The following DYNAP variants were observed in gnomAD, a reference collection of about 807,000 sequenced individuals.
The protein encoded by DYNAP is dynactin associated protein, also known as dynactin-associated protein.
In DYNAP, 7 loss-of-function variants were observed where a neutral mutation model predicts 8.5. The observed-to-expected ratio is 0.82, with a 90% CI of 0.47 to 1.54. The LOEUF is 1.54. Among genes scored for constraint, DYNAP ranks in the 40% most tolerant of loss-of-function variants. The pLI is 0.01. For synonymous variants in DYNAP, 77 were observed against 77.9 expected (o/e 0.99, Z 0.06); for missense variants, 256 against 224.3 (o/e 1.14, Z -0.90).
At chr18:54,581,583 G>C in the DYNAP span, among the ~76,000 whole-genome samples, 20 of 152,140 alleles carry the variant, frequency 1.3e-4, no homozygotes, top group Non-Finnish European at 2.5e-4. Context: ...TATCTTACTG[G>C]TGGGTTTGGT....
chr18:54,579,600 T>A, the DYNAP span, among the ~76,000 whole-genome samples: 1 of 152,234 alleles, frequency 6.6e-6, no homozygotes, highest in South Asian at 2.1e-4. Flanking sequence ...AGCATTTTTC[T>A]TCATCCAAGA....
upstream of DYNAP, among the ~76,000 whole-genome samples, chr18:54,588,358 A>G (rs1910954631): frequency 6.6e-6 from 1 of 152,062 alleles, no homozygotes; most frequent in Non-Finnish European, 1.5e-5. Context: ...GGCATCCGTC[A>G]TCATGCCCGG....
At chr18:54,581,602 T>C in the DYNAP span, among the ~76,000 whole-genome samples, 6 of 152,202 alleles carry the variant, frequency 3.9e-5, no homozygotes. Flanking sequence ...GTGAAGTTGA[T>C]ACAAACTATA....
chr18:54,586,301 G>A (rs184723757), upstream of DYNAP, among the ~76,000 whole-genome samples: 2 of 152,210 alleles, frequency 1.3e-5, no homozygotes, highest in Admixed American at 1.3e-4. Flanking sequence ...CCACACAGCT[G>A]ATTGCCGATC....
At chr18:54,595,341 A>G (rs1402100160) in intron 2 of DYNAP, among the ~76,000 whole-genome samples, 4 of 152,138 alleles carry the variant, frequency 2.6e-5, no homozygotes, top group African/African-American at 9.7e-5. Context: ...TCAAACATCT[A>G]TAATAGATAG....
At chr18:54,592,849 T>G (rs954369360) in intron 1 of DYNAP, among the ~76,000 whole-genome samples, 3 of 152,014 alleles carry the variant, frequency 2.0e-5, no homozygotes, top group African/African-American at 7.2e-5. Context: ...CACCTTCCTC[T>G]CTGAAAGGGC....
At chr18:54,584,267 T>A (rs2030400231), upstream of DYNAP, among the ~76,000 whole-genome samples, 1 of 148,284 alleles carries the variant, frequency 6.7e-6, no homozygotes, top group Non-Finnish European at 1.5e-5. Context: ...ATTTATTTAA[T>A]ATTTAATATT....
chr18:54,583,864 C>G (rs920191284), upstream of DYNAP, among the ~76,000 whole-genome samples: 1 of 152,012 alleles, frequency 6.6e-6, no homozygotes, highest in Non-Finnish European at 1.5e-5. Context: ...GAACCGATCA[C>G]CTGAAAATAG....
At chr18:54,580,322 A>G in the DYNAP span, among the ~76,000 whole-genome samples, 2 of 152,246 alleles carry the variant, frequency 1.3e-5, no homozygotes, top group African/African-American at 2.4e-5. Flanking sequence ...GTCATGGTCT[A>G]CAATGAATAC....
chr18:54,579,306 T>A, the DYNAP span, among the ~76,000 whole-genome samples: 81 of 152,346 alleles, frequency 5.3e-4, no homozygotes, highest in Non-Finnish European at 9.0e-4. Context: ...TTAGAAAGTA[T>A]TTTTTAAGTT....
chr18:54,593,692 G>A (rs1337191174), intron 1 of DYNAP, among the ~76,000 whole-genome samples: 1 of 151,764 alleles, frequency 6.6e-6, no homozygotes, highest in Non-Finnish European at 1.5e-5. Flanking sequence ...TGGGAGGGCA[G>A]AGCCAGAGGA....
At chr18:54,579,365 T>C in the DYNAP span, among the ~76,000 whole-genome samples, 5 of 151,208 alleles carry the variant, frequency 3.3e-5, no homozygotes, top group Non-Finnish European at 7.4e-5. Context: ...CAATTAATTC[T>C]AGAACTTTCA....
chr18:54,595,642 C>T (rs1911257545), intron 2 of DYNAP, among the ~76,000 whole-genome samples: 1 of 152,142 alleles, frequency 6.6e-6, no homozygotes, highest in Admixed American at 6.6e-5. Flanking sequence ...AGCATCTCCA[C>T]TAGCTTTGGA....
chr18:54,588,187 CAAT>C (rs1436055101), upstream of DYNAP, among the ~76,000 whole-genome samples: 1 of 150,930 alleles, frequency 6.6e-6, no homozygotes, highest in African/African-American at 2.4e-5. Flanking sequence ...ATTAGGCACT[CAAT>C]AAACAGTTGG....
intron 1 of DYNAP, among the ~76,000 whole-genome samples, chr18:54,591,750 A>G (rs1911085103): frequency 6.6e-6 from 1 of 152,120 alleles, no homozygotes; most frequent in Non-Finnish European, 1.5e-5. Context: ...GAAAAACCAG[A>G]TATTAATTCT....
the DYNAP span, among the ~76,000 whole-genome samples, chr18:54,581,592 G>A: frequency 1.3e-5 from 2 of 152,176 alleles, no homozygotes; most frequent in African/African-American, 4.8e-5. Flanking sequence ...GGTGGGTTTG[G>A]TGAAGTTGAT....
upstream of DYNAP, among the ~76,000 whole-genome samples, chr18:54,588,667 C>T (rs1290630772): frequency 1.3e-5 from 2 of 152,060 alleles, no homozygotes; most frequent in African/African-American, 2.4e-5. Flanking sequence ...TTTTTCTAAT[C>T]CAATTTTATT....
chr18:54,577,312 C>T, the DYNAP span, among the ~76,000 whole-genome samples: 2 of 151,998 alleles, frequency 1.3e-5, no homozygotes, highest in African/African-American at 2.4e-5. Context: ...GGATGCCAGG[C>T]GTGGTGGCTC....
upstream of DYNAP, among the ~76,000 whole-genome samples, chr18:54,589,328 T>C (rs1282735568): frequency 6.6e-6 from 1 of 152,140 alleles, no homozygotes; most frequent in Non-Finnish European, 1.5e-5. Context: ...ACAAAGATCC[T>C]TTATTGGCGA....
Sources: allele counts gnomAD v4.1 joint callset (sites outside exome capture counted in the v4.1 genomes callset), GRCh38; gene constraint gnomAD v4.1.1; transcripts MANE v1.5; gene names NCBI Gene and HGNC (gene_info 2026-07-23, HGNC 2026-07-21).